SLC7A6: variants seen among roughly 807,000 people sequenced by gnomAD.
SLC7A6 encodes the protein Y+L amino acid transporter 2.
Under a neutral mutation model 46.6 loss-of-function variants are expected in SLC7A6, and 29 were observed. The observed-to-expected ratio is 0.62, with a 90% CI of 0.46 to 0.85. The LOEUF is 0.85. SLC7A6 is among the 40% of genes least tolerant of loss of function. SLC7A6 has a pLI of 0.00. For missense variants in SLC7A6, 527 were observed against 647.6 expected, an observed-to-expected ratio of 0.81 and a Z score of 2.02; for synonymous variants, 276 against 257.3, an observed-to-expected ratio of 1.07 and a Z score of -0.70.
intron 3 of SLC7A6, among the ~76,000 whole-genome samples, chr16:68,286,076 A>G (rs185906743): frequency 7.1e-6 from 1 of 141,780 alleles, no homozygotes; most frequent in Admixed American, 7.4e-5. Flanking sequence ...TGGGTGACAG[A>G]GCAAGACCCT....
In SLC7A6 at chr16:68,294,733, C is replaced by T. The variant is rs2043128246; in HGVS notation, c.1051C>T (p.His351Tyr). The T allele has an allele frequency of 6.2e-7, 1 of 1,613,684 alleles. No individual in the cohort carries two copies. The highest frequency in any genetic ancestry group is 1.3e-5 in the African/African-American group (1 of 74,882). ...RLFFVGSREG[H>Y]LPDLLSMIHI... The stretch of plus-strand genomic sequence containing the variant: ...GTTCTTCGTGGGCTCCCGGGAGGGC[C>T]ACCTACCGGACCTTCTGTCCATGAT... Residue 351 changes from histidine (H) to tyrosine (Y), a missense_variant, in exon 8 of 11, where the codon CAC (histidine) becomes TAC (tyrosine). His to Tyr is a moderately conservative substitution (Grantham distance 83, BLOSUM62 2). Coordinates refer to ENST00000219343, the MANE Select transcript of SLC7A6 (RefSeq NM_003983.6).
intron 2 of SLC7A6, among the ~76,000 whole-genome samples, chr16:68,267,453 G>A (rs544599043): frequency 2.0e-5 from 3 of 151,988 alleles, no homozygotes; most frequent in East Asian, 1.9e-4. Context: ...GACCTCAGGC[G>A]ATCCACCCGC....
At position 68,300,925 on chromosome 16, in the gene SLC7A6, T is replaced by G. The variant is rs1158886327; in HGVS notation, c.*3597T>G. On this transcript the variant is annotated 3_prime_UTR_variant, in exon 11 of 11. Coordinates refer to ENST00000219343, the MANE Select transcript of SLC7A6 (RefSeq NM_003983.6). Reference sequence around the variant, plus strand: ...CAGCAGAAGCTTACTGCTAATGAAATGGGAACCTCCCCCTCCCTTGTGGTT... The same window carrying G: ...CAGCAGAAGCTTACTGCTAATGAAAGGGGAACCTCCCCCTCCCTTGTGGTT... 1 of 1,002,222 alleles carries G rather than the reference T, an allele frequency of 1.0e-6. No homozygotes were observed. Among genetic ancestry groups the G allele is most frequent in the Non-Finnish European group, 1.2e-6 (1 of 840,956 alleles). The allele number at this position is 1,002,222 out of a possible 1,614,324, so 62.1% of individuals were successfully genotyped here. A position where few individuals can be genotyped will look rare whatever the true frequency, so the allele number is the denominator to read the frequency against.
At chr16:68,279,978 C>A (rs1369561976) in intron 3 of SLC7A6, among the ~76,000 whole-genome samples, 3 of 152,162 alleles carry the variant, frequency 2.0e-5, no homozygotes, top group Admixed American at 2.0e-4. Flanking sequence ...TAGTAGTGGC[C>A]AAGTCATAAA....
At chr16:68,294,655 C>A in intron 7 of SLC7A6, 50 bp from the exon 8 acceptor site, 3 of 1,325,342 alleles carry the variant, frequency 2.3e-6, no homozygotes, top group African/African-American at 1.4e-5. Context: ...GTGAGTATGG[C>A]TGAGTAAAAG....
At chr16:68,291,477 T>G in intron 6 of SLC7A6, 81 bp from the exon 7 acceptor site, 1 of 1,582,088 alleles carries the variant, frequency 6.3e-7, no homozygotes, top group South Asian at 1.1e-5. Flanking sequence ...TAGCAGTGAT[T>G]GCATTTGTTC....
intron 3 of SLC7A6, among the ~76,000 whole-genome samples, chr16:68,278,306 A>AT (rs113430953): frequency 2.8e-3 from 368 of 133,530 alleles, no homozygotes; most frequent in Middle Eastern, 0.019. Flanking sequence ...CTGCTTTATA[A>AT]TTTTTTTTTT....
intron 8 of SLC7A6, among the ~76,000 whole-genome samples, chr16:68,295,506 GTC>G (rs1387591864): frequency 6.6e-6 from 1 of 152,194 alleles, no homozygotes; most frequent in African/African-American, 2.4e-5. Context: ...GCCCAGGCTG[GTC>G]TTGAGCTCCT....
At chr16:68,286,269 T>C (rs1474860227) in intron 3 of SLC7A6, among the ~76,000 whole-genome samples, 1 of 151,888 alleles carries the variant, frequency 6.6e-6, no homozygotes, top group East Asian at 1.9e-4. Flanking sequence ...GAAGCAGGAA[T>C]GCCATGTGGT....
chr16:68,297,172 G>A, intron 10 of SLC7A6, 62 bp from the exon 11 acceptor site: 1 of 1,508,016 alleles, frequency 6.6e-7, no homozygotes, highest in Non-Finnish European at 9.1e-7. Flanking sequence ...AGTCAGCCTT[G>A]TTCAGGTTAG....
intron 3 of SLC7A6, chr16:68,287,520 C>T (rs1322721267): frequency 4.9e-6 from 7 of 1,419,868 alleles, no homozygotes; most frequent in Admixed American, 2.3e-5. Flanking sequence ...TGTGTTCACG[C>T]ATGCCTTCAT....
Position 68,271,465 on chromosome 16 carries a change from C to T in SLC7A6, c.-36-3226C>T, listed in dbSNP as rs1341518508. ...AGACTACAGGTGTGTGCCATGCCAC[C>T]ATGCCCAGCTAACTTTTGTAGTTTT... is the stretch of plus-strand genomic sequence containing the variant. On this transcript the variant is annotated intron_variant, in intron 2 of 10. Coordinates refer to ENST00000219343, the MANE Select transcript of SLC7A6 (RefSeq NM_003983.6). 5.3e-5 allele frequency among the ~76,000 whole-genome samples: 8 copies of T among 152,150 alleles called. No individual in the cohort carries two copies. The East Asian group carries it at 1.6e-3, about 30-fold the overall frequency.
At chr16:68,266,995 C>T (rs1035130173) in intron 2 of SLC7A6, among the ~76,000 whole-genome samples, 2 of 151,500 alleles carry the variant, frequency 1.3e-5, no homozygotes, top group East Asian at 1.9e-4. Context: ...GGTGTGGTGG[C>T]GCAATCTCTG....
chr16:68,291,468 AGCAGTGATT>A (rs1341018285), intron 6 of SLC7A6, 81 bp from the exon 7 acceptor site: 1 of 1,577,870 alleles, frequency 6.3e-7, no homozygotes, highest in Non-Finnish European at 8.7e-7. Flanking sequence ...TGGGCTGCTT[AGCAGTGATT>A]GCATTTGTTC....
rs549810039 is a variant in SLC7A6 at position 68,296,871 on chromosome 16, G to T, written c.1453+61G>T. The T allele has an allele frequency of 5.2e-5, 81 of 1,555,188 alleles. No individual in the cohort carries two copies. The African/African-American group carries it at 8.7e-4, about 17-fold the overall frequency. ...TATGTGTGCATGCGCATGCAGAGGT[G>T]GGGGGTGGCTAACAGCTTCCCCATA... On this transcript the variant is annotated intron_variant, in intron 10 of 10. Transcript: ENST00000219343.
intron 3 of SLC7A6, among the ~76,000 whole-genome samples, chr16:68,277,741 A>T (rs1346324322): frequency 6.7e-6 from 1 of 149,888 alleles, no homozygotes; most frequent in Non-Finnish European, 1.5e-5. Flanking sequence ...GATTCTCCTG[A>T]CTCAGCCTCC....
chr16:68,291,852 G>A (rs1266282562), intron 7 of SLC7A6, 191 bp downstream of exon 7: 2 of 564,400 alleles, frequency 3.5e-6, no homozygotes, highest in Admixed American at 3.2e-5. Flanking sequence ...TTTGTATGCT[G>A]GTAGCTCATG....
At chr16:68,290,961 T>C in intron 5 of SLC7A6, 1 of 523,476 alleles carries the variant, frequency 1.9e-6, no homozygotes, top group East Asian at 3.5e-5. Context: ...AGGAGGATTA[T>C]GAAACCCAGT....
Position 68,297,549 on chromosome 16 carries a change from G to C in SLC7A6, c.*221G>C. On this transcript the variant is annotated 3_prime_UTR_variant, in exon 11 of 11. Transcript: ENST00000219343. ...TTCAGAGGGTGGGGGGAAGATTGGG[G>C]AACGGGGGGAATGGTCATTTAGTTT... is the stretch of plus-strand genomic sequence containing the variant. The C allele has an allele frequency of 1.4e-4, 30 of 217,884 alleles. No individual in the cohort carries two copies. The highest frequency in any genetic ancestry group is 1.8e-3 in the Middle Eastern group (1 of 550). 13.5% of individuals were successfully genotyped at this position (217,884 alleles called of 1,614,324 possible).
Sources: allele counts gnomAD v4.1 joint callset (sites outside exome capture counted in the v4.1 genomes callset), GRCh38; gene constraint gnomAD v4.1.1; transcripts MANE v1.5; gene names NCBI Gene and HGNC (gene_info 2026-07-23, HGNC 2026-07-21).